Variants in ZMYND15 observed in about 807,000 individuals in gnomAD.
ZMYND15 encodes zinc finger MYND-type containing 15.
ZMYND15 carries 54 observed loss-of-function variants against 81.7 expected under a neutral mutation model. The ratio of observed to expected loss-of-function variants is 0.66; its 90% CI spans 0.53 to 0.83. ZMYND15 has a LOEUF of 0.83. Among genes scored for constraint, ZMYND15 ranks in the 40% least tolerant of loss-of-function variants. The pLI is 0.00. For missense variants in ZMYND15, 925 were observed against 973.5 expected (o/e 0.95, Z 0.66); for synonymous variants, 399 against 387.0 (o/e 1.03, Z -0.36).
rs2150632389 is a variant in ZMYND15 at position 4,745,480 on chromosome 17, G to A, written c.2057+105G>A. 5.0e-6 allele frequency: 7 copies of A among 1,387,342 alleles called. No individual in the cohort carries two copies. The highest frequency in any genetic ancestry group is 6.8e-6 in the Non-Finnish European group (7 of 1,030,224). The allele number at this position is 1,387,342 out of a possible 1,614,324, so 85.9% of individuals were successfully genotyped here. On this transcript the variant is annotated intron_variant, in intron 13 of 13. Coordinates refer to ENST00000433935, the MANE Select transcript of ZMYND15 (RefSeq NM_001136046.3). This position sits in a 1 kb window ranked among gnomAD's most constrained non-coding sequence, Gnocchi z 5.2. ...CTACCCTAGTCCCTGCTGTCCTGGG[G>A]CCCTCCTGCCCCCAGCCCAGCAACC...
At position 4,742,416 on chromosome 17, in the gene ZMYND15, T is replaced by C; in HGVS notation, c.1069T>C (p.Phe357Leu). The change falls in exon 5 of 14, where the codon TTT becomes CTT. Residue 357 changes from phenylalanine (F) to leucine (L), a missense_variant. Coordinates refer to ENST00000433935, the MANE Select transcript of ZMYND15 (RefSeq NM_001136046.3). Reference protein sequence around the residue: ...QRCPDDVSHRFWCPRLAAFME... With the variant: ...QRCPDDVSHRLWCPRLAAFME... The stretch of plus-strand genomic sequence containing the variant: ...GTGCCCAGATGATGTGAGTCACCGA[T>C]TTTGGTGCCCAAGGCTTGCAGCCTT... 6.2e-7 allele frequency: 1 copy of C among 1,614,086 alleles called. No homozygotes were observed.
At chr17:4,740,497 AT>A in intron 1 of ZMYND15, 21 bp from the exon 2 acceptor site, 1 of 1,527,524 alleles carries the variant, frequency 6.5e-7, no homozygotes. Context: ...GTCCCTCACC[AT>A]ATATCCCTTC....
chr17:4,741,104 G>A lies in ZMYND15; in HGVS notation c.556G>A (p.Glu186Lys), dbSNP rs1214493495. Residue 186 changes from glutamate (E) to lysine (K), a missense_variant, in exon 2 of 14, where the codon GAA (glutamate) becomes AAA (lysine). Transcript: ENST00000433935. ...DGCREDRVEN[E>K]TRPQKRKGQR... ...CTGCCGAGAGGACAGGGTGGAGAACGAAACAAGACCCCAGAAGAGGAAGGG... is the reference window on the plus strand; with the variant it reads ...CTGCCGAGAGGACAGGGTGGAGAACAAAACAAGACCCCAGAAGAGGAAGGG... 14 of 1,518,502 alleles carry A rather than the reference G, an allele frequency of 9.2e-6. No homozygotes were observed. Among genetic ancestry groups the A allele is most frequent in the East Asian group, 2.5e-5 (1 of 40,664 alleles). The allele number at this position is 1,518,502 out of a possible 1,614,324, so 94.1% of individuals were successfully genotyped here.
chr17:4,741,533 T>C (rs756446587), intron 2 of ZMYND15, 49 bp from the exon 3 acceptor site: 4 of 1,603,574 alleles, frequency 2.5e-6, no homozygotes, highest in Non-Finnish European at 3.4e-6. Flanking sequence ...CCTGACCACA[T>C]TTGTCTCTCG....
chr17:4,739,993 G>T lies in ZMYND15; in HGVS notation c.-88G>T, dbSNP rs1232502983. The T allele has an allele frequency of 2.0e-6, 2 of 985,286 alleles. No individual in the cohort carries two copies. Among genetic ancestry groups the T allele is most frequent in the East Asian group, 2.3e-4 (2 of 8,786 alleles). 61.0% of individuals were successfully genotyped at this position (985,286 alleles called of 1,614,324 possible). On this transcript the variant is annotated 5_prime_UTR_variant, in exon 1 of 14. Coordinates refer to ENST00000433935, the MANE Select transcript of ZMYND15 (RefSeq NM_001136046.3). The surrounding 1 kb of genome is among the most constrained non-coding windows in gnomAD (Gnocchi z 5.3). ...CTCGGGCAGCCCTGACGTCACAACC[G>T]CACCCGCGCACCCTCCACCGCGAGG...
At position 4,745,835 on chromosome 17, in the gene ZMYND15, A is replaced by G; in HGVS notation, c.2074A>G (p.Ile692Val). The G allele has an allele frequency of 6.3e-7, 1 of 1,599,616 alleles. No homozygotes were observed. Among genetic ancestry groups the G allele is most frequent in the Non-Finnish European group, 8.5e-7 (1 of 1,174,950 alleles). The change falls in exon 14 of 14, where the codon ATC becomes GTC. Residue 692 changes from isoleucine (I) to valine (V), a missense_variant. By Grantham distance (29) the Ile-to-Val change is conservative. Transcript: ENST00000433935. This position sits in a 1 kb window ranked among gnomAD's most constrained non-coding sequence, Gnocchi z 5.2. Reference sequence around the variant, plus strand: ...CCCCCGCAGGTACTGCAATGCCTTCATCTTCCACCTGGTTTACAAGCCTGC... The same window carrying G: ...CCCCCGCAGGTACTGCAATGCCTTCGTCTTCCACCTGGTTTACAAGCCTGC... ...NCMSWYCNAFIFHLVYKPAQG... is the reference protein window; with the variant it reads ...NCMSWYCNAFVFHLVYKPAQG...
rs534006366 is a variant in ZMYND15, at chr17:4,740,686, G to A, written c.138G>A (p.Gln46=). Residue 46 remains glutamine, a synonymous_variant, in exon 2 of 14, where the codon CAG becomes CAA. Transcript: ENST00000433935. Reference sequence around the variant, plus strand: ...GCCGCTGCCGGCAGCTGGAGGCCCAGATCAGAAGGCTACCCCAGGACCCTG... The same window carrying A: ...GCCGCTGCCGGCAGCTGGAGGCCCAAATCAGAAGGCTACCCCAGGACCCTG... ...LEGRCRQLEA[Q]IRRLPQDPAL... 9.3e-6 allele frequency: 15 copies of A among 1,614,072 alleles called. 1 individual carries two copies. In the South Asian group the frequency reaches 1.4e-4, roughly 15 times the overall value.
Position 4,745,242 on chromosome 17 carries a change from G to T in ZMYND15, c.1924G>T (p.Glu642Ter), listed in dbSNP as rs772574622. ...CCTCCGAGTGCCAGCCTTCTTCACCGAGAGCAGCGAGTACAGCTGTGTGAT... is the reference window on the plus strand; with the variant it reads ...CCTCCGAGTGCCAGCCTTCTTCACCTAGAGCAGCGAGTACAGCTGTGTGAT... Reference protein sequence around the residue: ...QSLRVPAFFTESSEYSCVMDG... With the variant: ...QSLRVPAFFT Residue 642 changes from glutamate to a stop codon, truncating the protein, a stop_gained, in exon 13 of 14, where the codon GAG becomes TAG. Coordinates refer to ENST00000433935, the MANE Select transcript of ZMYND15 (RefSeq NM_001136046.3). LOFTEE classifies it high-confidence loss of function. The surrounding 1 kb of genome is among the most constrained non-coding windows in gnomAD (Gnocchi z 5.2). The T allele has an allele frequency of 3.7e-6, 6 of 1,613,880 alleles. No homozygotes were observed. The Admixed American group carries it at 1.0e-4, about 27-fold the overall frequency.
Position 4,741,943 on chromosome 17 carries a change from G to A in ZMYND15, c.856G>A (p.Gly286Ser). Residue 286 changes from glycine (G) to serine (S), a missense_variant, in exon 4 of 14, where the codon GGT becomes AGT. Transcript: ENST00000433935. ...RELESLVPRLGVKLAKTPMRT... is the reference protein window; with the variant it reads ...RELESLVPRLSVKLAKTPMRT... ...GCTGGAGAGCTTGGTCCCAAGGCTA[G>A]GTGTGAAGTTAGCCAAAACCCCAAT... The A allele has an allele frequency of 1.2e-6, 2 of 1,614,206 alleles. No homozygotes were observed. The highest frequency in any genetic ancestry group is 1.7e-6 in the Non-Finnish European group (2 of 1,180,030).
Position 4,740,643 on chromosome 17 carries a change from T to A in ZMYND15, c.95T>A (p.Val32Glu). The A allele has an allele frequency of 2.5e-6, 4 of 1,614,162 alleles. No individual in the cohort carries two copies. Among genetic ancestry groups the A allele is most frequent in the East Asian group, 2.2e-5 (1 of 44,882 alleles). The change falls in exon 2 of 14, where the codon GTA becomes GAA. Residue 32 changes from valine (V) to glutamate (E), a missense_variant. Coordinates refer to ENST00000433935, the MANE Select transcript of ZMYND15 (RefSeq NM_001136046.3). ...FRKFVAERGAVGTSLEGRCRQ... is the reference protein window; with the variant it reads ...FRKFVAERGAEGTSLEGRCRQ... ...AAGTTTGTGGCAGAGCGTGGAGCTG[T>A]AGGGACTAGCCTTGAGGGCCGCTGC...
rs768831337 is a variant in ZMYND15, at chr17:4,740,905, G to A, written c.357G>A (p.Glu119=). The A allele has an allele frequency of 6.3e-7, 1 of 1,582,758 alleles. No individual in the cohort carries two copies. The highest frequency in any genetic ancestry group is 1.1e-5 in the South Asian group (1 of 87,102). ...ATGGGGAGGAAGGGGAGGAGGAAGA[G>A]GAGGAAGATGAAGAAGAAGAGAAGA... ...LEDGEEGEEE[E]EEDEEEEKRE... is the part of the protein sequence containing the mutation. Residue 119 remains glutamate, a synonymous_variant, in exon 2 of 14, where the codon GAG becomes GAA. Coordinates refer to ENST00000433935, the MANE Select transcript of ZMYND15 (RefSeq NM_001136046.3).
In ZMYND15 at chr17:4,743,913, G is replaced by A; in HGVS notation, c.1378+66G>A. The A allele has an allele frequency of 4.4e-6, 7 of 1,592,596 alleles. No homozygotes were observed. The highest frequency in any genetic ancestry group is 6.0e-6 in the Non-Finnish European group (7 of 1,166,988). ...GGGACTGGAGAACCAGAGCCTGGGT[G>A]GCTGTGAAGAAGAGGTTTGTTAGAC... On this transcript the variant is annotated intron_variant, in intron 7 of 13. Transcript: ENST00000433935. The surrounding 1 kb of genome is among the most constrained non-coding windows in gnomAD (Gnocchi z 4.3).
chr17:4,740,858 A>C lies in ZMYND15; in HGVS notation c.310A>C (p.Ile104Leu). Residue 104 changes from isoleucine to leucine, a missense_variant, in exon 2 of 14, where the codon ATC (isoleucine) becomes CTC (leucine). By Grantham distance (5) the Ile-to-Leu change is conservative (BLOSUM62 2). Coordinates refer to ENST00000433935, the MANE Select transcript of ZMYND15 (RefSeq NM_001136046.3). The part of the protein sequence containing the change: ...PLHLRDLSPY[I>L]SFVSLEDGEE... Reference sequence around the variant, plus strand: ...CCACCTGCGAGACCTGAGCCCCTACATCAGCTTTGTCAGCCTAGAGGATGG... The same window carrying C: ...CCACCTGCGAGACCTGAGCCCCTACCTCAGCTTTGTCAGCCTAGAGGATGG... 6.4e-7 allele frequency: 1 copy of C among 1,574,730 alleles called. No homozygotes were observed. The highest frequency in any genetic ancestry group is 1.2e-5 in the South Asian group (1 of 85,552).
chr17:4,744,904 G>A lies in ZMYND15; in HGVS notation c.1872G>A (p.Trp624Ter), dbSNP rs1916594552. Residue 624 changes from tryptophan (W) to a stop codon, truncating the protein, a stop_gained, in exon 12 of 14, where the codon TGG becomes TGA. Transcript: ENST00000433935. LOFTEE classifies it high-confidence loss of function. This position sits in a 1 kb window ranked among gnomAD's most constrained non-coding sequence, Gnocchi z 4.1. Reference sequence around the variant, plus strand: ...CCGGGTTTGCTCTCAAGGATACGTGGCTGAGGTCTCTGCCCCGGTTACAGG... The same window carrying A: ...CCGGGTTTGCTCTCAAGGATACGTGACTGAGGTCTCTGCCCCGGTTACAGG... The part of the protein sequence containing the change: ...FNSGFALKDT[W>*]LRSLPRLQSL... The A allele has an allele frequency of 2.5e-6, 4 of 1,614,110 alleles. No homozygotes were observed. The highest frequency in any genetic ancestry group is 3.4e-6 in the Non-Finnish European group (4 of 1,180,010).
chr17:4,744,406 T>C lies in ZMYND15; in HGVS notation c.1622T>C (p.Leu541Pro). Reference protein sequence around the residue: ...LVLLPHVALELQFVGDGLPPE... With the variant: ...LVLLPHVALEPQFVGDGLPPE... ...CTGCTCCCCCATGTGGCCCTGGAGCTGCAGTTTGTAGGTGATGGCCTGCCC... is the reference window on the plus strand; with the variant it reads ...CTGCTCCCCCATGTGGCCCTGGAGCCGCAGTTTGTAGGTGATGGCCTGCCC... The change falls in exon 10 of 14, where the codon CTG becomes CCG. Residue 541 changes from leucine (L) to proline (P), a missense_variant. Transcript: ENST00000433935. This position sits in a 1 kb window ranked among gnomAD's most constrained non-coding sequence, Gnocchi z 4.1. 1 of 1,614,068 alleles carries C rather than the reference T, an allele frequency of 6.2e-7. No homozygotes were observed. Among genetic ancestry groups the C allele is most frequent in the Non-Finnish European group, 8.5e-7 (1 of 1,180,008 alleles).
rs890542787 is a variant in ZMYND15 at position 4,743,705 on chromosome 17, A to G, written c.1298-62A>G. ...GGAATACAGCCCCTTTGGAAGGAAG[A>G]AAGAGATGGGTCAGGTGGGGGTCTC... On this transcript the variant is annotated intron_variant, in intron 6 of 13. Coordinates refer to ENST00000433935, the MANE Select transcript of ZMYND15 (RefSeq NM_001136046.3). The surrounding 1 kb of genome is among the most constrained non-coding windows in gnomAD (Gnocchi z 4.3). 2.0e-6 allele frequency: 3 copies of G among 1,514,522 alleles called. No homozygotes were observed. The highest frequency in any genetic ancestry group is 2.7e-6 in the Non-Finnish European group (3 of 1,113,032). 93.8% of individuals were successfully genotyped at this position (1,514,522 alleles called of 1,614,324 possible).
In ZMYND15 at chr17:4,743,743, C is replaced by T; in HGVS notation, c.1298-24C>T. ...AGGTGGGGGTCTCCCTGACCCCAGG[C>T]CCCTCCTTCTTTCATCCTCTCAGGA... On this transcript the variant is annotated intron_variant, in intron 6 of 13. Coordinates refer to ENST00000433935, the MANE Select transcript of ZMYND15 (RefSeq NM_001136046.3). The surrounding 1 kb of genome is among the most constrained non-coding windows in gnomAD (Gnocchi z 4.3). The T allele has an allele frequency of 1.2e-6, 2 of 1,606,808 alleles. No homozygotes were observed. Among genetic ancestry groups the T allele is most frequent in the Non-Finnish European group, 1.7e-6 (2 of 1,176,094 alleles).
chr17:4,744,161 C>T lies in ZMYND15; in HGVS notation c.1496-29C>T, dbSNP rs770499521. ...AGGATGGGGGAGTGAGAGTGGACCA[C>T]ATCCTTAAAGCGCTGGTTTTTCACC... is the stretch of plus-strand genomic sequence containing the variant. On this transcript the variant is annotated intron_variant, in intron 8 of 13. Transcript: ENST00000433935. This position sits in a 1 kb window ranked among gnomAD's most constrained non-coding sequence, Gnocchi z 4.1. 1.2e-6 allele frequency: 2 copies of T among 1,613,804 alleles called. No homozygotes were observed. The highest frequency in any genetic ancestry group is 1.7e-6 in the Non-Finnish European group (2 of 1,179,804).
rs1206112118 is a variant in ZMYND15, at chr17:4,744,477, G to A, written c.1683+10G>A. On this transcript the variant is annotated intron_variant, in intron 10 of 13. Coordinates refer to ENST00000433935, the MANE Select transcript of ZMYND15 (RefSeq NM_001136046.3). This position sits in a 1 kb window ranked among gnomAD's most constrained non-coding sequence, Gnocchi z 4.1. ...TTTTACCCTGCAGAGGGTGAGGGCT[G>A]AGGGGGCCCTGCTTTTCAGCCCTGA... 5.6e-6 allele frequency: 9 copies of A among 1,613,628 alleles called. No individual in the cohort carries two copies. Among genetic ancestry groups the A allele is most frequent in the Non-Finnish European group, 7.6e-6 (9 of 1,180,004 alleles).
Sources: allele counts gnomAD v4.1 joint callset, GRCh38; gene constraint gnomAD v4.1.1; non-coding constraint Gnocchi (gnomAD v3.1); transcripts MANE v1.5; gene names NCBI Gene and HGNC (gene_info 2026-07-23, HGNC 2026-07-21).